The following OR51B5 variants were observed in gnomAD, a reference collection of about 807,000 sequenced individuals.
The protein encoded by OR51B5 is olfactory receptor family 51 subfamily B member 5.
For missense variants in OR51B5, 456 were observed against 374.6 expected (o/e 1.22, Z -1.79); for synonymous variants, 186 against 144.8 (o/e 1.28, Z -2.04).
chr11:5,454,637 T>C (rs1195143335), intron 1 of OR51B5: 11 of 416,322 alleles, frequency 2.6e-5, no homozygotes, highest in Admixed American at 1.6e-4. Flanking sequence ...AAGATAAATA[T>C]TGGGGGCAAT....
At chr11:5,496,153 G>A (rs1003013112) in intron 1 of OR51B5, among the ~76,000 whole-genome samples, 1 of 152,024 alleles carries the variant, frequency 6.6e-6, no homozygotes, top group African/African-American at 2.4e-5. Flanking sequence ...TGTAGTCCAC[G>A]TTGACTCTCA....
At chr11:5,359,120 C>G (rs1297429167) in intron 1 of OR51B5, among the ~76,000 whole-genome samples, 3 of 152,174 alleles carry the variant, frequency 2.0e-5, no homozygotes, top group Non-Finnish European at 2.9e-5. Context: ...TCCTATTCAA[C>G]ATAGTGTTGG....
chr11:5,505,354 A>T, intron 1 of OR51B5: 1 of 1,304,026 alleles, frequency 7.7e-7, no homozygotes. Flanking sequence ...AACTCACCTC[A>T]TGAACGGAAG....
At chr11:5,343,491 A>G (rs768849113) in exon 1 of OR51B5, 2 of 1,274,166 alleles carry the variant, frequency 1.6e-6, no homozygotes, top group Non-Finnish European at 2.3e-6. Flanking sequence ...AAACCAGTCA[A>G]TAGGAAGGGA....
chr11:5,421,008 T>G (rs1375992885), intron 1 of OR51B5, among the ~76,000 whole-genome samples: 1 of 152,214 alleles, frequency 6.6e-6, no homozygotes, highest in Non-Finnish European at 1.5e-5. Flanking sequence ...GAAGGAAGTC[T>G]TTTAGAACTA....
intron 1 of OR51B5, chr11:5,403,039 G>A (rs1002660049): frequency 2.1e-6 from 1 of 471,482 alleles, no homozygotes; most frequent in African/African-American, 2.0e-5. Flanking sequence ...CTTTGGCACA[G>A]GAGCTATTAT....
At chr11:5,422,815 C>G in intron 1 of OR51B5, 1 of 1,614,142 alleles carries the variant, frequency 6.2e-7, no homozygotes, top group Non-Finnish European at 8.5e-7. Flanking sequence ...TTGCTCTTGC[C>G]TTGCTCATTA....
At chr11:5,344,623 G>A (rs1376312296), upstream of OR51B5, among the ~76,000 whole-genome samples, 5 of 152,132 alleles carry the variant, frequency 3.3e-5, no homozygotes, top group Admixed American at 3.3e-4. Context: ...TAGACATGGT[G>A]TTTATTTGCT....
rs1849149160 is a variant in OR51B5, at chr11:5,354,133, CATGTCTTTCT to C, written n.85-7233_85-7224del. ...TGAATAAATAAAATTTAAAGTGACC[CATGTCTTTCT>C]GTGTGTCTGCTAGTTCTTCTGTCTG... On this transcript the variant is annotated intron_variant and non_coding_transcript_variant, in intron 1 of 4. Coordinates refer to the OR51B5 transcript ENST00000415970. 2.6e-5 allele frequency among the ~76,000 whole-genome samples: 4 copies of C among 151,826 alleles called. No homozygotes were observed. The South Asian group carries it at 8.4e-4, about 32-fold the overall frequency.
chr11:5,484,616 C>T (rs1224148009), intron 1 of OR51B5, among the ~76,000 whole-genome samples: 4 of 152,154 alleles, frequency 2.6e-5, no homozygotes, highest in Non-Finnish European at 5.9e-5. Flanking sequence ...TATAGTACTC[C>T]ACAAAGACAT....
intron 1 of OR51B5, among the ~76,000 whole-genome samples, chr11:5,429,261 C>T (rs1031419388): frequency 6.6e-6 from 1 of 152,140 alleles, no homozygotes; most frequent in Non-Finnish European, 1.5e-5. Context: ...GTAATAACTC[C>T]ATCTCCTGTG....
At chr11:5,372,142 C>G (rs1236149529) in intron 1 of OR51B5, among the ~76,000 whole-genome samples, 4 of 152,144 alleles carry the variant, frequency 2.6e-5, no homozygotes, top group African/African-American at 9.7e-5. Context: ...ACAGACCTGT[C>G]ACAATGTCTT....
intron 1 of OR51B5, among the ~76,000 whole-genome samples, chr11:5,397,213 T>A (rs1190114634): frequency 1.3e-5 from 2 of 152,172 alleles, no homozygotes; most frequent in Admixed American, 6.5e-5. Flanking sequence ...TGGGATCTAA[T>A]TAAACTAAAG....
At chr11:5,484,044 C>G (rs1851465669) in intron 1 of OR51B5, among the ~76,000 whole-genome samples, 1 of 152,162 alleles carries the variant, frequency 6.6e-6, no homozygotes, top group African/African-American at 2.4e-5. Flanking sequence ...CACTCTTTCT[C>G]CCACACAGTT....
At chr11:5,412,307 G>C (rs1850160357) in intron 1 of OR51B5, among the ~76,000 whole-genome samples, 1 of 152,178 alleles carries the variant, frequency 6.6e-6, no homozygotes, top group Admixed American at 6.5e-5. Context: ...CGAACCGGGA[G>C]GAGCCAAGAT....
chr11:5,461,343 C>T (rs573270254), intron 1 of OR51B5, among the ~76,000 whole-genome samples: 14 of 152,164 alleles, frequency 9.2e-5, no homozygotes, highest in East Asian at 1.9e-4. Context: ...GTTCCGAGGG[C>T]GGGGGTTGCT....
At chr11:5,449,761 A>C (rs1297598389) in intron 1 of OR51B5, among the ~76,000 whole-genome samples, 1 of 152,208 alleles carries the variant, frequency 6.6e-6, no homozygotes, top group Non-Finnish European at 1.5e-5. Flanking sequence ...TCCCATGACA[A>C]ACAGCTGAAG....
chr11:5,396,626 GC>G (rs900645790), intron 1 of OR51B5, among the ~76,000 whole-genome samples: 10 of 151,844 alleles, frequency 6.6e-5, no homozygotes, highest in Non-Finnish European at 1.3e-4. Context: ...TGGCCATACT[GC>G]CCAAGGTAAT....
intron 1 of OR51B5, among the ~76,000 whole-genome samples, chr11:5,374,960 T>A (rs1849500858): frequency 6.6e-6 from 1 of 151,694 alleles, no homozygotes; most frequent in Non-Finnish European, 1.5e-5. Context: ...AGGCCAACAT[T>A]CAGATTCAGG....
Sources: gnomAD v4.1 joint callset for allele counts (sites outside exome capture counted in the v4.1 genomes callset) on GRCh38, gnomAD v4.1.1 for gene constraint, MANE v1.5 for transcripts, NCBI Gene and HGNC (gene_info 2026-07-23, HGNC 2026-07-21) for gene names.